PDE3A: variants seen among roughly 807,000 people sequenced by gnomAD.
PDE3A encodes cGMP-inhibited 3',5'-cyclic phosphodiesterase 3A.
Under a neutral mutation model 98.3 loss-of-function variants are expected in PDE3A, and 43 were observed. The observed-to-expected ratio is 0.44, with a 90% CI of 0.34 to 0.56. The LOEUF (loss-of-function observed/expected upper bound fraction) is 0.56. PDE3A is among the 20% of genes least tolerant of loss of function. The pLI is 0.01. For missense variants in PDE3A, 1,427 were observed against 1,440.7 expected (o/e 0.99, Z 0.15); for synonymous variants, 663 against 567.9 (o/e 1.17, Z -2.38).
At chr12:20,443,184 T>A (rs1025828226) in intron 1 of PDE3A, among the ~76,000 whole-genome samples, 2 of 152,140 alleles carry the variant, frequency 1.3e-5, no homozygotes, top group Admixed American at 6.5e-5. Flanking sequence ...AACTGCTGGT[T>A]TTTATTTCTT....
At chr12:20,645,976 A>G (rs73082624) in intron 10 of PDE3A, among the ~76,000 whole-genome samples, 15,555 of 152,254 alleles carry the variant, frequency 0.1, 1,071 homozygotes, top group Middle Eastern at 0.17. Context: ...TGTGGATGAA[A>G]TCTACATATA....
intron 1 of PDE3A, among the ~76,000 whole-genome samples, chr12:20,466,470 C>T (rs558829381): frequency 2.6e-5 from 4 of 151,512 alleles, no homozygotes; most frequent in Admixed American, 6.6e-5. Flanking sequence ...TAACAGGGTG[C>T]GCTGAGTTGT....
intron 15 of PDE3A, among the ~76,000 whole-genome samples, chr12:20,671,471 T>A (rs1945480141): frequency 1.8e-5 from 2 of 112,514 alleles, no homozygotes; most frequent in Non-Finnish European, 4.2e-5. Context: ...GCAAACTGAA[T>A]CCAGCAGCAC....
intron 1 of PDE3A, among the ~76,000 whole-genome samples, chr12:20,525,679 CTGAA>C (rs1276505171): frequency 6.6e-6 from 1 of 152,136 alleles, no homozygotes; most frequent in African/African-American, 2.4e-5. Flanking sequence ...TTGCTGCTGA[CTGAA>C]TGTCTTTGAA....
At chr12:20,636,985 G>T in intron 8 of PDE3A, 115 bp from the exon 9 acceptor site, 1 of 631,410 alleles carries the variant, frequency 1.6e-6, no homozygotes, top group Non-Finnish European at 2.6e-6. Flanking sequence ...ATTCACCTTG[G>T]AGTTTTAAGT....
chr12:20,405,457 T>G (rs77391385), intron 1 of PDE3A, among the ~76,000 whole-genome samples: 2 of 152,254 alleles, frequency 1.3e-5, no homozygotes, highest in East Asian at 3.9e-4. Flanking sequence ...TTTCTGAATC[T>G]ATACAGCTTC....
chr12:20,664,345 G>T (rs1158642666), intron 15 of PDE3A, among the ~76,000 whole-genome samples: 1 of 152,136 alleles, frequency 6.6e-6, no homozygotes, highest in East Asian at 1.9e-4. Context: ...TTAGATGAGG[G>T]TACTGAGAGT....
intron 3 of PDE3A, among the ~76,000 whole-genome samples, chr12:20,615,824 C>G (rs147895935): frequency 1.3e-5 from 2 of 152,170 alleles, no homozygotes; most frequent in Non-Finnish European, 2.9e-5. Flanking sequence ...CTCCCAGTCT[C>G]AAGTGACTCT....
intron 2 of PDE3A, among the ~76,000 whole-genome samples, chr12:20,596,944 A>G (rs1383661536): frequency 6.6e-6 from 1 of 152,200 alleles, no homozygotes; most frequent in Non-Finnish European, 1.5e-5. Context: ...ATGACTGTAC[A>G]TAGGAACGGT....
intron 1 of PDE3A, among the ~76,000 whole-genome samples, chr12:20,541,794 G>A (rs2121221602): frequency 6.6e-6 from 1 of 152,164 alleles, no homozygotes; most frequent in Non-Finnish European, 1.5e-5. Context: ...TATCAAATGG[G>A]TCATGGACCC....
intron 2 of PDE3A, among the ~76,000 whole-genome samples, chr12:20,589,905 C>T (rs2121372733): frequency 6.7e-6 from 1 of 149,366 alleles, no homozygotes; most frequent in East Asian, 2.0e-4. Flanking sequence ...AAAATTAGTT[C>T]ACATTAGTTC....
intron 1 of PDE3A, among the ~76,000 whole-genome samples, chr12:20,535,837 A>G (rs543184437): frequency 2.6e-5 from 4 of 152,164 alleles, no homozygotes; most frequent in Non-Finnish European, 4.4e-5. Context: ...CGATTAATAA[A>G]ATATGTTTTA....
chr12:20,557,408 A>C (rs1942397243), intron 2 of PDE3A, among the ~76,000 whole-genome samples: 1 of 152,330 alleles, frequency 6.6e-6, no homozygotes, highest in South Asian at 2.1e-4. Flanking sequence ...TTTGTGAAGA[A>C]ATGTAAAAAT....
At chr12:20,668,118 C>A (rs1592165845) in intron 15 of PDE3A, among the ~76,000 whole-genome samples, 2 of 152,190 alleles carry the variant, frequency 1.3e-5, no homozygotes, top group South Asian at 4.1e-4. Flanking sequence ...GTCACTCCCA[C>A]CTGAATACTG....
chr12:20,447,895 T>A (rs925706444), intron 1 of PDE3A, among the ~76,000 whole-genome samples: 3 of 152,144 alleles, frequency 2.0e-5, no homozygotes, highest in African/African-American at 4.8e-5. Flanking sequence ...TGATGCTATG[T>A]CCAGGTGGAT....
chr12:20,392,572 A>G (rs1001342082), intron 1 of PDE3A, among the ~76,000 whole-genome samples: 2 of 151,844 alleles, frequency 1.3e-5, no homozygotes, highest in Non-Finnish European at 2.9e-5. Context: ...CTAGCTGGAC[A>G]TTATGGAAAA....
At chr12:20,401,270 A>G (rs1365214297) in intron 1 of PDE3A, among the ~76,000 whole-genome samples, 2 of 152,204 alleles carry the variant, frequency 1.3e-5, no homozygotes, top group African/African-American at 4.8e-5. Flanking sequence ...ACCACACTAC[A>G]TCTTCTTGAT....
At chr12:20,535,722 C>T (rs1941731780) in intron 1 of PDE3A, among the ~76,000 whole-genome samples, 1 of 152,090 alleles carries the variant, frequency 6.6e-6, no homozygotes, top group South Asian at 2.1e-4. Flanking sequence ...CTTCGTTGTA[C>T]AGGCAGCATC....
At chr12:20,512,535 T>G (rs1481110780) in intron 1 of PDE3A, among the ~76,000 whole-genome samples, 1 of 152,096 alleles carries the variant, frequency 6.6e-6, no homozygotes, top group Non-Finnish European at 1.5e-5. Context: ...GGTAAAATAG[T>G]CAACATTTTA....
Sources: allele counts gnomAD v4.1 joint callset (sites outside exome capture counted in the v4.1 genomes callset), GRCh38; gene constraint gnomAD v4.1.1; transcripts MANE v1.5; gene names NCBI Gene and HGNC (gene_info 2026-07-23, HGNC 2026-07-21).